The following PTPN5 variants were observed in gnomAD, a reference collection of about 807,000 sequenced individuals.
PTPN5 encodes the protein protein tyrosine phosphatase non-receptor type 5, also known as tyrosine-protein phosphatase non-receptor type 5.
In PTPN5, 29 loss-of-function variants were observed where a neutral mutation model predicts 73.9. That is an observed-to-expected ratio of 0.39 (90% CI 0.29 to 0.54). The LOEUF (loss-of-function observed/expected upper bound fraction) is 0.54. Among genes scored for constraint, PTPN5 ranks in the 20% least tolerant of loss-of-function variants. PTPN5 has a pLI of 0.65. For synonymous variants in PTPN5, 267 were observed against 304.7 expected (o/e 0.88, Z 1.29); for missense variants, 652 against 751.4 (o/e 0.87, Z 1.55).
chr11:18,770,920 C>T (rs764155619), intron 2 of PTPN5, among the ~76,000 whole-genome samples: 1 of 152,138 alleles, frequency 6.6e-6, no homozygotes, highest in Non-Finnish European at 1.5e-5. Flanking sequence ...AGGCACCGCC[C>T]CTCTGCCTGG....
At chr11:18,770,643 G>C (rs1405963738) in intron 2 of PTPN5, among the ~76,000 whole-genome samples, 7 of 152,180 alleles carry the variant, frequency 4.6e-5, no homozygotes, top group Non-Finnish European at 8.8e-5. Flanking sequence ...TCACGCTTGT[G>C]GTTTTGGGCA....
chr11:18,754,007 C>T (rs1182700663), intron 3 of PTPN5, among the ~76,000 whole-genome samples: 1 of 152,308 alleles, frequency 6.6e-6, no homozygotes, highest in Non-Finnish European at 1.5e-5. Flanking sequence ...ACATTAAACA[C>T]ATTACCTGTT....
At chr11:18,746,944 C>T (rs552258524) in intron 3 of PTPN5, among the ~76,000 whole-genome samples, 1 of 152,156 alleles carries the variant, frequency 6.6e-6, no homozygotes, top group Non-Finnish European at 1.5e-5. Context: ...AAGGGACAGA[C>T]CCAGGGGTTA....
At chr11:18,772,537 C>T (rs1314149311) in intron 1 of PTPN5, among the ~76,000 whole-genome samples, 1 of 152,194 alleles carries the variant, frequency 6.6e-6, no homozygotes, top group Non-Finnish European at 1.5e-5. Flanking sequence ...GTGTTCTCTG[C>T]TTGGGATGTG....
Position 18,743,420 on chromosome 11 carries a change from C to T in PTPN5, c.301G>A (p.Gly101Arg). The part of the protein sequence containing the change: ...FAASQFLLAC[G>R]VLWFSGYGHI... ...CCATAACCGCTGAACCAGAGCACCCCACAGGCAAGCTGGGGCACAGGGGAG... is the reference window on the plus strand; with the variant it reads ...CCATAACCGCTGAACCAGAGCACCCTACAGGCAAGCTGGGGCACAGGGGAG... The change falls in exon 5 of 15, where the codon GGG becomes AGG. Residue 101 changes from glycine to arginine, a missense_variant. Around this residue, in one of 3 missense-constraint regions of PTPN5, gnomAD observed 529 missense variants for 573.9 expected, o/e 0.92. Coordinates refer to ENST00000358540, the MANE Select transcript of PTPN5 (RefSeq NM_006906.2). The T allele has an allele frequency of 6.2e-7, 1 of 1,614,132 alleles. No homozygotes were observed. The highest frequency in any genetic ancestry group is 1.1e-5 in the South Asian group (1 of 91,076).
At chr11:18,772,781 C>T (rs1391963613) in intron 1 of PTPN5, among the ~76,000 whole-genome samples, 1 of 152,090 alleles carries the variant, frequency 6.6e-6, no homozygotes, top group African/African-American at 2.4e-5. Flanking sequence ...CGTGTGGGAC[C>T]CTGGGAATAC....
At chr11:18,749,156 G>A (rs1036269933) in intron 3 of PTPN5, among the ~76,000 whole-genome samples, 1 of 152,182 alleles carries the variant, frequency 6.6e-6, no homozygotes, top group East Asian at 1.9e-4. Context: ...AGTGAGAGGC[G>A]GCTGCTTGTG....
intron 3 of PTPN5, among the ~76,000 whole-genome samples, chr11:18,761,243 C>A (rs190417024): frequency 4.6e-5 from 7 of 151,982 alleles, no homozygotes; most frequent in African/African-American, 1.7e-4. Context: ...ATGTGCTGGC[C>A]CCCACTGGCA....
intron 1 of PTPN5, among the ~76,000 whole-genome samples, chr11:18,781,651 AT>A (rs1851436489): frequency 6.6e-6 from 1 of 151,880 alleles, no homozygotes; most frequent in African/African-American, 2.4e-5. Flanking sequence ...TTCAGAATAT[AT>A]TTTGTATTTT....
At chr11:18,759,661 C>T (rs900562485) in intron 3 of PTPN5, among the ~76,000 whole-genome samples, 1 of 152,150 alleles carries the variant, frequency 6.6e-6, no homozygotes, top group Non-Finnish European at 1.5e-5. Flanking sequence ...ACTCATCGTA[C>T]CATCAATGAC....
At chr11:18,788,469 C>G (rs919584659) in intron 1 of PTPN5, among the ~76,000 whole-genome samples, 5 of 152,198 alleles carry the variant, frequency 3.3e-5, no homozygotes, top group African/African-American at 1.2e-4. Context: ...TTGGAATGAA[C>G]TGCTTTCCAG....
At chr11:18,743,768 C>T (rs1172249280) in intron 4 of PTPN5, 1 of 578,158 alleles carries the variant, frequency 1.7e-6, no homozygotes, top group African/African-American at 1.9e-5. Context: ...GTCGGGGAGG[C>T]CCTGTGTTCT....
intron 3 of PTPN5, among the ~76,000 whole-genome samples, chr11:18,752,620 T>C (rs1447385562): frequency 6.6e-6 from 1 of 152,200 alleles, no homozygotes; most frequent in African/African-American, 2.4e-5. Flanking sequence ...TGGGATATAA[T>C]AAAATGGTTC....
chr11:18,731,559 G>C (rs1420711185), intron 12 of PTPN5, among the ~76,000 whole-genome samples: 1 of 152,132 alleles, frequency 6.6e-6, no homozygotes, highest in East Asian at 1.9e-4. Context: ...TGTCTTTCTG[G>C]GGAATTTCTA....
At chr11:18,743,127 A>C in intron 5 of PTPN5, 52 bp from the exon 6 acceptor site, 3 of 1,349,090 alleles carry the variant, frequency 2.2e-6, no homozygotes, top group Non-Finnish European at 3.1e-6. Context: ...CAGAGTTCTC[A>C]GCTCTTGCAA....
At chr11:18,787,611 T>C (rs906408542) in intron 1 of PTPN5, among the ~76,000 whole-genome samples, 2 of 152,134 alleles carry the variant, frequency 1.3e-5, no homozygotes, top group Non-Finnish European at 1.5e-5. Context: ...GCACCTGTGG[T>C]CTCCTCTTTT....
intron 3 of PTPN5, among the ~76,000 whole-genome samples, chr11:18,762,594 T>C (rs1207528568): frequency 6.6e-6 from 1 of 152,180 alleles, no homozygotes; most frequent in Non-Finnish European, 1.5e-5. Flanking sequence ...TGGCTTTAAT[T>C]GTCTTCATAG....
Position 18,744,191 on chromosome 11 carries a change from G to A in PTPN5, c.106C>T (p.Gln36Ter). Residue 36 changes from glutamine (Q) to a stop codon, truncating the protein, a stop_gained, in exon 4 of 15, where the codon CAG becomes TAG. Coordinates refer to ENST00000358540, the MANE Select transcript of PTPN5 (RefSeq NM_006906.2). LOFTEE classifies it high-confidence loss of function. The part of the protein sequence containing the change: ...CCSERLPGLP[Q>*]PIVMEALDEA... ...TCCAGTGCCTCCATCACTATCGGCTGGGGGAGACCTGTGGAAGATGGGCCA... is the reference window on the plus strand; with the variant it reads ...TCCAGTGCCTCCATCACTATCGGCTAGGGGAGACCTGTGGAAGATGGGCCA... 6.5e-7 allele frequency: 1 copy of A among 1,549,680 alleles called. No homozygotes were observed. Among genetic ancestry groups the A allele is most frequent in the Non-Finnish European group, 8.7e-7 (1 of 1,151,732 alleles).
chr11:18,762,230 G>A (rs1227286652), intron 3 of PTPN5, among the ~76,000 whole-genome samples: 4 of 152,166 alleles, frequency 2.6e-5, no homozygotes, highest in Non-Finnish European at 4.4e-5. Context: ...CTGAAGGTGG[G>A]TGTGGGAACG....
Sources: gnomAD v4.1 joint callset for allele counts (sites outside exome capture counted in the v4.1 genomes callset) on GRCh38, gnomAD v4.1.1 for gene constraint, gnomAD v4.1.1 regional missense constraint, MANE v1.5 for transcripts, NCBI Gene and HGNC (gene_info 2026-07-23, HGNC 2026-07-21) for gene names.